The following COL21A1 variants were observed in gnomAD, a reference collection of about 807,000 sequenced individuals.
COL21A1 encodes collagen alpha-1(XXI) chain.
In COL21A1, 149 loss-of-function variants were observed where a neutral mutation model predicts 137.9. The observed-to-expected ratio is 1.08, with a 90% CI of 0.95 to 1.24. The LOEUF (loss-of-function observed/expected upper bound fraction) is 1.24. Ranked by LOEUF, COL21A1 falls within the 50% of genes most tolerant of loss-of-function variation. COL21A1 has a pLI of 0.00. For synonymous variants in COL21A1, 456 were observed against 391.5 expected, an observed-to-expected ratio of 1.16 and a Z score of -1.95; for missense variants, 1,167 against 1,158.4, an observed-to-expected ratio of 1.01 and a Z score of -0.11.
chr6:56,196,050 C>A (rs780633889), intron 1 of COL21A1, among the ~76,000 whole-genome samples: 25 of 152,082 alleles, frequency 1.6e-4, no homozygotes, highest in Admixed American at 3.3e-4. Context: ...CCCTGAGATG[C>A]AAGGATGGTC....
At chr6:56,293,226 G>A (rs867605915) in intron 1 of COL21A1, among the ~76,000 whole-genome samples, 6 of 152,118 alleles carry the variant, frequency 3.9e-5, no homozygotes, top group South Asian at 2.1e-4. Context: ...TGTAAAAAGT[G>A]TCAATAATTT....
chr6:56,158,904 T>C (rs1038582151), intron 9 of COL21A1, among the ~76,000 whole-genome samples: 2 of 152,198 alleles, frequency 1.3e-5, no homozygotes, highest in Admixed American at 1.3e-4. Flanking sequence ...AACCATGTAA[T>C]GTCTCGCTGA....
intron 16 of COL21A1, among the ~76,000 whole-genome samples, chr6:56,113,660 CCTT>C (rs1217586284): frequency 5.3e-5 from 8 of 152,210 alleles, no homozygotes; most frequent in African/African-American, 1.4e-4. Flanking sequence ...GGGTAAAACT[CCTT>C]CTGCTTGAGA....
chr6:56,186,508 A>G (rs74499048), intron 1 of COL21A1, among the ~76,000 whole-genome samples: 3,286 of 152,312 alleles, frequency 0.022, 119 homozygotes, highest in African/African-American at 0.075. Context: ...AGCTACAGCC[A>G]TGGGCACAAA....
intron 1 of COL21A1, among the ~76,000 whole-genome samples, chr6:56,275,555 C>T (rs1342001247): frequency 6.6e-6 from 1 of 152,036 alleles, no homozygotes; most frequent in Admixed American, 6.5e-5. Flanking sequence ...GGATAAAAGA[C>T]ATGAACAGAT....
intron 1 of COL21A1, among the ~76,000 whole-genome samples, chr6:56,391,999 T>G (rs1421183482): frequency 6.6e-6 from 1 of 152,130 alleles, no homozygotes; most frequent in African/African-American, 2.4e-5. Flanking sequence ...CTTCCAAATT[T>G]GTTCTGTGAG....
At chr6:56,362,608 T>A (rs1316618651) in intron 1 of COL21A1, among the ~76,000 whole-genome samples, 1 of 152,136 alleles carries the variant, frequency 6.6e-6, no homozygotes, top group Non-Finnish European at 1.5e-5. Flanking sequence ...GGCCTTTCCT[T>A]CAAAGATATG....
At chr6:56,211,634 C>T (rs1419437914) in intron 1 of COL21A1, among the ~76,000 whole-genome samples, 1 of 152,024 alleles carries the variant, frequency 6.6e-6, no homozygotes, top group Admixed American at 6.6e-5. Flanking sequence ...AGAAGAATTA[C>T]CAAACTGGGG....
chr6:56,094,663 T>C (rs191997296), intron 17 of COL21A1, among the ~76,000 whole-genome samples: 297 of 152,324 alleles, frequency 1.9e-3, no homozygotes, highest in African/African-American at 6.7e-3. Flanking sequence ...CCAGCTGAGA[T>C]ATATGAATGT....
Position 56,125,621 on chromosome 6 carries a change from C to G in COL21A1, c.1597-1G>C. ...TGTCTCCTTTGGCACCCATTTCACC[C>G]TAAAAGACAAAATATAAATAGTGAA... On this transcript the variant is annotated splice_acceptor_variant, in intron 13 of 29. Transcript: ENST00000244728. LOFTEE classifies it high-confidence loss of function. 4.5e-6 allele frequency: 7 copies of G among 1,563,680 alleles called. No homozygotes were observed. The highest frequency in any genetic ancestry group is 6.1e-6 in the Non-Finnish European group (7 of 1,149,526).
chr6:56,140,582 T>C (rs930532825), intron 12 of COL21A1, among the ~76,000 whole-genome samples: 1 of 152,156 alleles, frequency 6.6e-6, no homozygotes, highest in African/African-American at 2.4e-5. Flanking sequence ...AGGGGTATGT[T>C]CTTTAACCCT....
intron 1 of COL21A1, among the ~76,000 whole-genome samples, chr6:56,195,746 C>T (rs1403717493): frequency 6.6e-6 from 1 of 152,038 alleles, no homozygotes; most frequent in Non-Finnish European, 1.5e-5. Context: ...AACAAAACCT[C>T]CCAACAGAAA....
At chr6:56,151,153 G>A (rs550049186) in intron 10 of COL21A1, among the ~76,000 whole-genome samples, 24 of 152,276 alleles carry the variant, frequency 1.6e-4, no homozygotes, top group African/African-American at 5.5e-4. Context: ...ATGAACCCAG[G>A]AGGCGGAGCT....
At chr6:56,141,651 G>A (rs1774417333) in intron 12 of COL21A1, 134 bp downstream of exon 12, 1 of 833,452 alleles carries the variant, frequency 1.2e-6, no homozygotes, top group East Asian at 2.5e-5. Flanking sequence ...TTGTCTAATA[G>A]CCACTGACAA....
At chr6:56,276,798 G>GC in intron 1 of COL21A1, 1 of 878,898 alleles carries the variant, frequency 1.1e-6, no homozygotes, top group Admixed American at 2.2e-5. Flanking sequence ...AGTGAGTTGT[G>GC]TTTTTTTTGT....
intron 1 of COL21A1, among the ~76,000 whole-genome samples, chr6:56,303,295 G>C (rs1363293534): frequency 6.6e-6 from 1 of 152,166 alleles, no homozygotes. Flanking sequence ...GATGGGGATG[G>C]CATTGAATCT....
chr6:56,059,993 T>C (rs1582208063), intron 28 of COL21A1, 25 bp downstream of exon 28: 4 of 1,546,780 alleles, frequency 2.6e-6, no homozygotes, highest in Non-Finnish European at 3.5e-6. Flanking sequence ...TAAAATTCAT[T>C]TTCTTGTTGA....
At chr6:56,364,328 C>T (rs9475685) in intron 1 of COL21A1, among the ~76,000 whole-genome samples, 11,125 of 152,182 alleles carry the variant, frequency 0.073, 630 homozygotes, top group African/African-American at 0.15. Flanking sequence ...AATTAAAACC[C>T]TCAATGATTC....
intron 1 of COL21A1, among the ~76,000 whole-genome samples, chr6:56,364,943 T>C (rs1766064434): frequency 6.6e-6 from 1 of 152,178 alleles, no homozygotes; most frequent in South Asian, 2.1e-4. Context: ...GTGAGTTGAA[T>C]ACTCTATGAA....
Sources: allele counts gnomAD v4.1 joint callset (sites outside exome capture counted in the v4.1 genomes callset), GRCh38; gene constraint gnomAD v4.1.1; transcripts MANE v1.5; gene names NCBI Gene and HGNC (gene_info 2026-07-23, HGNC 2026-07-21).